The following CRYBA4 variants were observed in gnomAD, a reference collection of about 807,000 sequenced individuals.
CRYBA4 encodes the protein crystallin beta A4.
A neutral mutation model predicts 31.7 loss-of-function variants in CRYBA4; 30 were observed. The observed-to-expected ratio is 0.95, with a 90% CI of 0.71 to 1.28. The LOEUF (loss-of-function observed/expected upper bound fraction) is 1.28. CRYBA4 is among the 50% of genes most tolerant of loss of function. The pLI, the probability that CRYBA4 is intolerant of heterozygous loss-of-function variation, is 0.00. For synonymous variants in CRYBA4, 102 were observed against 102.3 expected (o/e 1.00, Z 0.02); for missense variants, 225 against 260.7 (o/e 0.86, Z 0.94).
chr22:26,629,551 G>A (rs1437432796), intron 5 of CRYBA4, among the ~76,000 whole-genome samples: 2 of 151,834 alleles, frequency 1.3e-5, no homozygotes, highest in African/African-American at 4.8e-5. Flanking sequence ...AGACCAGCCT[G>A]GCCAACATGG....
At chr22:26,604,966 C>T in the CRYBA4 span, among the ~76,000 whole-genome samples, 1 of 152,140 alleles carries the variant, frequency 6.6e-6, no homozygotes, top group Non-Finnish European at 1.5e-5. Flanking sequence ...CATCTTGCCT[C>T]CCTCTTTCCT....
the CRYBA4 span, among the ~76,000 whole-genome samples, chr22:26,612,430 A>G: frequency 6.6e-6 from 1 of 152,104 alleles, no homozygotes; most frequent in Non-Finnish European, 1.5e-5. Flanking sequence ...TGGCGCAATC[A>G]TGGCTCACTG....
intron 3 of CRYBA4, among the ~76,000 whole-genome samples, chr22:26,624,481 G>GTAGA (rs1230352992): frequency 6.6e-6 from 1 of 152,240 alleles, no homozygotes; most frequent in Non-Finnish European, 1.5e-5. Context: ...AGTTTGGAAA[G>GTAGA]TAGATAGGAG....
At chr22:26,622,426 A>G (rs1929560270) in intron 1 of CRYBA4, among the ~76,000 whole-genome samples, 159 bp from the exon 2 acceptor site, 1 of 152,116 alleles carries the variant, frequency 6.6e-6, no homozygotes, top group Non-Finnish European at 1.5e-5. Context: ...TGACAGATGG[A>G]AAGGACAGGA....
the CRYBA4 span, among the ~76,000 whole-genome samples, chr22:26,608,526 G>A: frequency 1.3e-5 from 2 of 152,210 alleles, no homozygotes; most frequent in Admixed American, 6.5e-5. Context: ...AGACAATGGT[G>A]TAATAGCAAC....
the CRYBA4 span, among the ~76,000 whole-genome samples, chr22:26,610,971 T>C: frequency 6.6e-6 from 1 of 152,136 alleles, no homozygotes; most frequent in East Asian, 1.9e-4. Context: ...GCAAACGAGC[T>C]GCGTGGATCT....
At chr22:26,608,181 CACTT>C in the CRYBA4 span, among the ~76,000 whole-genome samples, 4 of 152,226 alleles carry the variant, frequency 2.6e-5, no homozygotes, top group Non-Finnish European at 5.9e-5. Flanking sequence ...TAGGCTCTGA[CACTT>C]ACAGGCTGTG....
At chr22:26,627,424 C>CTT in intron 4 of CRYBA4, among the ~76,000 whole-genome samples, 1 of 63,018 alleles carries the variant, frequency 1.6e-5, no homozygotes, top group Admixed American at 1.8e-4. Flanking sequence ...TTCTTTCTTT[C>CTT]TTTTTCTTTC....
chr22:26,627,635 T>C (rs971625083), intron 4 of CRYBA4, among the ~76,000 whole-genome samples: 2 of 91,006 alleles, frequency 2.2e-5, no homozygotes, highest in Non-Finnish European at 4.1e-5. Flanking sequence ...CTTCCTTCCT[T>C]CTCTCTCTCT....
the CRYBA4 span, among the ~76,000 whole-genome samples, chr22:26,594,616 G>A: frequency 1.3e-5 from 2 of 152,106 alleles, no homozygotes; most frequent in African/African-American, 2.4e-5. Flanking sequence ...GCTTGAACCC[G>A]GGAGGTGGAG....
chr22:26,606,512 G>A, the CRYBA4 span, among the ~76,000 whole-genome samples: 7 of 152,160 alleles, frequency 4.6e-5, no homozygotes, highest in Non-Finnish European at 1.0e-4. Flanking sequence ...AGAAGCTACT[G>A]GAAATGCCCT....
At chr22:26,601,901 TGCCCAC>T in the CRYBA4 span, 3 of 1,612,284 alleles carry the variant, frequency 1.9e-6, no homozygotes, top group Non-Finnish European at 2.5e-6. Flanking sequence ...ACCTTCACGC[TGCCCAC>T]GCGGTCACTG....
At chr22:26,597,482 T>C in the CRYBA4 span, among the ~76,000 whole-genome samples, 1 of 152,212 alleles carries the variant, frequency 6.6e-6, no homozygotes. Flanking sequence ...AAAGGTGCCA[T>C]ATGGGGTAGC....
chr22:26,594,149 T>C, the CRYBA4 span, among the ~76,000 whole-genome samples: 1 of 152,216 alleles, frequency 6.6e-6, no homozygotes, highest in African/African-American at 2.4e-5. Flanking sequence ...TTATTGTTCC[T>C]AGCTGGGGAT....
the CRYBA4 span, among the ~76,000 whole-genome samples, chr22:26,605,938 G>A: frequency 6.6e-6 from 1 of 152,132 alleles, no homozygotes; most frequent in South Asian, 2.1e-4. Context: ...GCGGCCTGCA[G>A]GCCACATGTG....
chr22:26,606,899 C>T, the CRYBA4 span, among the ~76,000 whole-genome samples: 1 of 152,034 alleles, frequency 6.6e-6, no homozygotes, highest in Non-Finnish European at 1.5e-5. Context: ...TTGGAGATAT[C>T]GCCACCATTT....
the CRYBA4 span, among the ~76,000 whole-genome samples, chr22:26,594,956 C>G: frequency 2.6e-5 from 4 of 152,128 alleles, no homozygotes; most frequent in Admixed American, 6.6e-5. Flanking sequence ...AAATTCTGCT[C>G]CAGGTGGTGA....
chr22:26,627,370 TTC>T lies in CRYBA4; in HGVS notation c.301-916_301-915del, dbSNP rs1422730977. On this transcript the variant is annotated intron_variant, in intron 4 of 5. Coordinates refer to ENST00000354760, the MANE Select transcript of CRYBA4 (RefSeq NM_001886.3). ...CTCCCTCCCTCCCTCCTTTCTTTCT[TTC>T]TTTCTTTCTTTCTTTCTTTCTTTCT... 2.2e-4 allele frequency among the ~76,000 whole-genome samples: 11 copies of T among 49,512 alleles called. 1 individual carries two copies. The highest frequency in any genetic ancestry group is 5.0e-4 in the Admixed American group (2 of 3,980). 32.5% of individuals were successfully genotyped at this position (49,512 alleles called of 152,430 possible). A position where few individuals can be genotyped will look rare whatever the true frequency, so the allele number is the denominator to read the frequency against.
chr22:26,624,826 G>A (rs1929651915), intron 3 of CRYBA4, among the ~76,000 whole-genome samples: 3 of 152,220 alleles, frequency 2.0e-5, no homozygotes, highest in African/African-American at 7.2e-5. Context: ...GGAACCCCGT[G>A]GCTGAAGAGC....
Sources: allele counts gnomAD v4.1 joint callset (sites outside exome capture counted in the v4.1 genomes callset), GRCh38; gene constraint gnomAD v4.1.1; transcripts MANE v1.5; gene names NCBI Gene and HGNC (gene_info 2026-07-23, HGNC 2026-07-21).